Variants in USP8 observed in about 807,000 individuals in gnomAD.
The protein encoded by USP8 is ubiquitin carboxyl-terminal hydrolase 8.
In USP8, 27 loss-of-function variants were observed where a neutral mutation model predicts 130.0. That is an observed-to-expected ratio of 0.21 (90% CI 0.15 to 0.29). The LOEUF is 0.29. Ranked by LOEUF, USP8 falls within the 10% of genes least tolerant of loss-of-function variation. The pLI is 1.00. For synonymous variants in USP8, 392 were observed against 444.1 expected (o/e 0.88, Z 1.48); for missense variants, 1,029 against 1,312.2 (o/e 0.78, Z 3.33).
rs2052587121 is a variant in USP8, at chr15:50,501,482, A to T, written c.*2394A>T. The T allele has an allele frequency of 6.6e-6, 1 of 151,106 alleles. No homozygotes were observed. Among genetic ancestry groups the T allele is most frequent in the African/African-American group, 2.4e-5 (1 of 41,066 alleles). The allele number at this position is 151,106 out of a possible 1,614,324, so 9.4% of individuals were successfully genotyped here. A position where few individuals can be genotyped will look rare whatever the true frequency, so the allele number is the denominator to read the frequency against. ...GAGTGAGACCCTGTCTTAAAATTGT[A>T]AGTTCATTTACGTAAGATGGCTTCT... On this transcript the variant is annotated 3_prime_UTR_variant, in exon 20 of 20. Coordinates refer to ENST00000307179, the MANE Select transcript of USP8 (RefSeq NM_005154.5).
At chr15:50,494,043 C>G in intron 15 of USP8, 27 bp from the exon 16 acceptor site, 1 of 1,591,374 alleles carries the variant, frequency 6.3e-7, no homozygotes, top group South Asian at 1.1e-5. Flanking sequence ...CCTTTATTGT[C>G]TTTTGTAACA....
At position 50,499,707 on chromosome 15, in the gene USP8, T is replaced by A. The variant is rs2052543520; in HGVS notation, c.*619T>A. ...TAAATCTTTATTCTAAAAAAAAAAATGGAAACTTTAATTTTTTTAAAACGA... is the reference window on the plus strand; with the variant it reads ...TAAATCTTTATTCTAAAAAAAAAAAAGGAAACTTTAATTTTTTTAAAACGA... On this transcript the variant is annotated 3_prime_UTR_variant, in exon 20 of 20. Transcript: ENST00000307179. 1 of 151,862 alleles carries A rather than the reference T, an allele frequency of 6.6e-6. No homozygotes were observed. Among genetic ancestry groups the A allele is most frequent in the Non-Finnish European group, 1.5e-5 (1 of 67,938 alleles). The allele number at this position is 151,862 out of a possible 1,614,324, so 9.4% of individuals were successfully genotyped here.
intron 1 of USP8, among the ~76,000 whole-genome samples, chr15:50,428,411 C>T (rs562325813): frequency 4.3e-4 from 66 of 152,310 alleles, no homozygotes; most frequent in Non-Finnish European, 7.8e-4. Flanking sequence ...GCTACCACGC[C>T]GGGCCTACAA....
At chr15:50,427,394 AGTG>A (rs2049772869) in intron 1 of USP8, among the ~76,000 whole-genome samples, 1 of 152,084 alleles carries the variant, frequency 6.6e-6, no homozygotes, top group Non-Finnish European at 1.5e-5. Flanking sequence ...TAAACTGAAG[AGTG>A]GTGGTGGTAT....
Position 50,449,488 on chromosome 15 carries a change from AC to A in USP8, c.335+4del. On this transcript the variant is annotated splice_donor_region_variant and intron_variant, in intron 4 of 19. Coordinates refer to ENST00000307179, the MANE Select transcript of USP8 (RefSeq NM_005154.5). ...CTCTCTGAAAGCCTTAAATTAAGGT[AC>A]AGATATTATGAAATATTTAAAATAA... is the stretch of plus-strand genomic sequence containing the variant. The A allele has an allele frequency of 6.5e-7, 1 of 1,534,366 alleles. No homozygotes were observed. The highest frequency in any genetic ancestry group is 1.3e-5 in the South Asian group (1 of 78,926).
Position 50,477,261 on chromosome 15 carries a change from T to A in USP8, c.995-15T>A, listed in dbSNP as rs764360898. Reference sequence around the variant, plus strand: ...TTTGCTATTCTAAAAAACATTTTTATTTTTGGAATTTTAGTGGATTTTACT... The same window carrying A: ...TTTGCTATTCTAAAAAACATTTTTAATTTTGGAATTTTAGTGGATTTTACT... On this transcript the variant is annotated splice_polypyrimidine_tract_variant and intron_variant, in intron 9 of 19. Transcript: ENST00000307179. 1 of 1,602,850 alleles carries A rather than the reference T, an allele frequency of 6.2e-7. No individual in the cohort carries two copies. Among genetic ancestry groups the A allele is most frequent in the South Asian group, 1.1e-5 (1 of 89,060 alleles).
At chr15:50,476,016 A>G (rs1225994494) in intron 8 of USP8, among the ~76,000 whole-genome samples, 1 of 152,140 alleles carries the variant, frequency 6.6e-6, no homozygotes, top group Non-Finnish European at 1.5e-5. Context: ...AGTTTTCCTT[A>G]AGGAGGTGAC....
rs1263271131 is a variant in USP8, at chr15:50,510,361, T to C, written c.*11273T>C. On this transcript the variant is annotated 3_prime_UTR_variant, in exon 20 of 20. Transcript: ENST00000307179. Reference sequence around the variant, plus strand: ...CAGAAAAGGACTAACTAGAAAAGATTGATGTTCCAACCAAATTAAAACTTG... The same window carrying C: ...CAGAAAAGGACTAACTAGAAAAGATCGATGTTCCAACCAAATTAAAACTTG... The C allele has an allele frequency of 2.0e-5, 3 of 152,074 alleles. No homozygotes were observed. The allele number at this position is 152,074 out of a possible 1,614,324, so 9.4% of individuals were successfully genotyped here. A position where few individuals can be genotyped will look rare whatever the true frequency, so the allele number is the denominator to read the frequency against.
intron 1 of USP8, among the ~76,000 whole-genome samples, chr15:50,429,663 C>A (rs1476734148): frequency 6.6e-6 from 1 of 152,052 alleles, no homozygotes; most frequent in East Asian, 1.9e-4. Context: ...TAGTGAGACT[C>A]TGTATTTTTT....
At chr15:50,456,748 C>T (rs1442106600) in intron 4 of USP8, among the ~76,000 whole-genome samples, 2 of 151,662 alleles carry the variant, frequency 1.3e-5, no homozygotes, top group Non-Finnish European at 2.9e-5. Context: ...TAGCTGGGCA[C>T]AATGGCATGC....
Position 50,500,882 on chromosome 15 carries a change from C to CT in USP8, c.*1795dup. The CT allele has an allele frequency of 2.1e-6, 3 of 1,447,010 alleles. No individual in the cohort carries two copies. Among genetic ancestry groups the CT allele is most frequent in the Non-Finnish European group, 2.9e-6 (3 of 1,050,726 alleles). 89.6% of individuals were successfully genotyped at this position (1,447,010 alleles called of 1,614,324 possible). ...CAAACTTAGTATTCACATATGAACA[C>CT]TAACTACTGGAACAGAAATGATAGG... On this transcript the variant is annotated 3_prime_UTR_variant, in exon 20 of 20. Transcript: ENST00000307179.
chr15:50,447,057 T>C (rs1227771179), intron 3 of USP8, among the ~76,000 whole-genome samples: 1 of 152,252 alleles, frequency 6.6e-6, no homozygotes, highest in Admixed American at 6.5e-5. Context: ...AAAAAGTGTT[T>C]AGAATGATAG....
In USP8 at chr15:50,510,376, A is replaced by G. The variant is rs1012570202; in HGVS notation, c.*11288A>G. 4 of 152,188 alleles carry G rather than the reference A, an allele frequency of 2.6e-5. No homozygotes were observed. Among genetic ancestry groups the G allele is most frequent in the Non-Finnish European group, 5.9e-5 (4 of 68,036 alleles). The allele number at this position is 152,188 out of a possible 1,614,324, so 9.4% of individuals were successfully genotyped here. On this transcript the variant is annotated 3_prime_UTR_variant, in exon 20 of 20. Coordinates refer to ENST00000307179, the MANE Select transcript of USP8 (RefSeq NM_005154.5). ...TAGAAAAGATTGATGTTCCAACCAAATTAAAACTTGATTGTCAGCAATTAC... is the reference window on the plus strand; with the variant it reads ...TAGAAAAGATTGATGTTCCAACCAAGTTAAAACTTGATTGTCAGCAATTAC...
intron 4 of USP8, among the ~76,000 whole-genome samples, chr15:50,452,573 A>G (rs1444285331): frequency 6.6e-6 from 1 of 152,234 alleles, no homozygotes; most frequent in Non-Finnish European, 1.5e-5. Context: ...TAGGGCAGAC[A>G]GTTCACATAC....
intron 14 of USP8, among the ~76,000 whole-genome samples, chr15:50,492,490 T>C (rs2052212873): frequency 6.6e-6 from 1 of 152,106 alleles, no homozygotes; most frequent in African/African-American, 2.4e-5. Context: ...AGGTATGTGT[T>C]TCATGGGAAG....
chr15:50,462,462 G>A (rs1419240733), intron 6 of USP8, 140 bp downstream of exon 6: 4 of 663,362 alleles, frequency 6.0e-6, no homozygotes, highest in Non-Finnish European at 9.4e-6. Context: ...TTCCTAGTCT[G>A]TACAATTATA....
In USP8 at chr15:50,449,400, G is replaced by A. The variant is rs376140894; in HGVS notation, c.250G>A (p.Asp84Asn). 2.5e-6 allele frequency: 4 copies of A among 1,570,360 alleles called. No individual in the cohort carries two copies. Among genetic ancestry groups the A allele is most frequent in the East Asian group, 2.3e-5 (1 of 43,472 alleles). Residue 84 changes from aspartate to asparagine, a missense_variant and splice_region_variant, in exon 4 of 20, where the codon GAT becomes AAT. Physicochemically the swap from Asp to Asn is conservative, Grantham distance 23 (BLOSUM62 1). This residue lies in a region of USP8 where 281 missense variants were observed against 336.7 expected (regional missense o/e 0.83). Coordinates refer to ENST00000307179, the MANE Select transcript of USP8 (RefSeq NM_005154.5). ...KKRPDFKQQQ[D>N]YFHSILGPGN... The stretch of plus-strand genomic sequence containing the variant: ...TGGGATGGTTTTCCTATAATTTTAG[G>A]ATTATTTCCATTCAATACTTGGACC...
intron 8 of USP8, among the ~76,000 whole-genome samples, chr15:50,473,804 GTA>G (rs943537478): frequency 3.4e-5 from 5 of 148,520 alleles, no homozygotes; most frequent in Non-Finnish European, 4.5e-5. Context: ...GGGCATCTAA[GTA>G]TATATATATA....
In USP8 at chr15:50,490,146, A is replaced by C. The variant is rs1283840549; in HGVS notation, c.1972-117A>C. ...TTCTTTTGAAGTTTATCGCCATTTT[A>C]TTCGAATTATTTTAATCCAAAAGTA... On this transcript the variant is annotated intron_variant, in intron 13 of 19. Transcript: ENST00000307179. The C allele has an allele frequency of 6.0e-6, 7 of 1,164,298 alleles. No homozygotes were observed. The East Asian group carries it at 1.7e-4, about 28-fold the overall frequency. The allele number at this position is 1,164,298 out of a possible 1,614,324, so 72.1% of individuals were successfully genotyped here.
Sources: allele counts gnomAD v4.1 joint callset (sites outside exome capture counted in the v4.1 genomes callset), GRCh38; gene constraint gnomAD v4.1.1; regional missense constraint gnomAD v4.1.1; transcripts MANE v1.5; gene names NCBI Gene and HGNC (gene_info 2026-07-23, HGNC 2026-07-21).